CFAP54: variants seen among roughly 807,000 people sequenced by gnomAD.
CFAP54 encodes cilia- and flagella-associated protein 54.
In CFAP54, 290 loss-of-function variants were observed where a neutral mutation model predicts 370.4. That is an observed-to-expected ratio of 0.78 (90% confidence interval 0.71 to 0.86). The LOEUF is 0.86. CFAP54 is among the 40% of genes least tolerant of loss of function. The pLI is 0.00. For synonymous variants in CFAP54, 1,206 were observed against 1,236.5 expected, an observed-to-expected ratio of 0.98 and a Z score of 0.52; for missense variants, 3,399 against 3,528.7, an observed-to-expected ratio of 0.96 and a Z score of 0.93.
In CFAP54 at chr12:96,827,796, TATATATAATACATA is replaced by T. The variant is rs1565994405; in HGVS notation, c.9097-1217_9097-1204del. ...TATATAGTTATATATAATATATAAT[TATATATAATACATA>T]GTAATATATTATATATAGTTATATA... On this transcript the variant is annotated intron_variant, in intron 65 of 67. Coordinates refer to ENST00000524981, the MANE Select transcript of CFAP54 (RefSeq NM_001306084.2). Among the ~76,000 whole-genome samples, 68 of 116,984 alleles carry T rather than the reference TATATATAATACATA, an allele frequency of 5.8e-4. 10 individuals carry two copies. In the East Asian group the frequency reaches 7.7e-3, roughly 13 times the overall value. The allele number at this position is 116,984 out of a possible 152,430, so 76.7% of individuals were successfully genotyped here.
chr12:96,789,211 C>T (rs888199695), intron 62 of CFAP54, among the ~76,000 whole-genome samples: 2 of 152,104 alleles, frequency 1.3e-5, no homozygotes, highest in African/African-American at 4.8e-5. Flanking sequence ...CATTTTACTC[C>T]CAGGAAGAAA....
At chr12:96,738,086 A>G (rs1011616081) in intron 50 of CFAP54, among the ~76,000 whole-genome samples, 1 of 152,182 alleles carries the variant, frequency 6.6e-6, no homozygotes, top group Non-Finnish European at 1.5e-5. Flanking sequence ...TACTGTGGTC[A>G]TCCAGCCTGG....
chr12:96,689,038 G>GT, intron 43 of CFAP54, 56 bp downstream of exon 43: 3 of 1,097,052 alleles, frequency 2.7e-6, no homozygotes, highest in Non-Finnish European at 2.6e-6. Context: ...CATTGGATCA[G>GT]TAAAAAAAAG....
chr12:96,520,358 A>G lies in CFAP54; in HGVS notation c.942+1287A>G, dbSNP rs138837769. 3.7e-4 allele frequency among the ~76,000 whole-genome samples: 56 copies of G among 152,230 alleles called. 1 individual carries two copies. In the East Asian group the frequency reaches 9.8e-3, roughly 27 times the overall value. On this transcript the variant is annotated intron_variant, in intron 6 of 67. Transcript: ENST00000524981. ...CAGGAGTTCGAGACCAGCTTGACCA[A>G]CATGGTGAAACCCTGTCTCTACTAA...
At chr12:96,735,084 C>G (rs1400408622) in intron 50 of CFAP54, among the ~76,000 whole-genome samples, 1 of 152,070 alleles carries the variant, frequency 6.6e-6, no homozygotes, top group Non-Finnish European at 1.5e-5. Flanking sequence ...TGAATGAGGT[C>G]CAGATTTCTA....
At chr12:96,574,853 A>G (rs1177748330) in intron 19 of CFAP54, among the ~76,000 whole-genome samples, 1 of 152,084 alleles carries the variant, frequency 6.6e-6, no homozygotes, top group Non-Finnish European at 1.5e-5. Context: ...TGTTTTTCAG[A>G]CGGTTATCAA....
chr12:96,684,567 C>A, intron 40 of CFAP54, 81 bp from the exon 41 acceptor site: 1 of 1,108,746 alleles, frequency 9.0e-7, no homozygotes, highest in Non-Finnish European at 1.3e-6. Context: ...AGGAATAGTG[C>A]AGTTTAAAAA....
intron 34 of CFAP54, among the ~76,000 whole-genome samples, chr12:96,649,678 A>G (rs201476969): frequency 6.6e-6 from 1 of 152,162 alleles, no homozygotes; most frequent in East Asian, 1.9e-4. Context: ...GTATTTCCCC[A>G]TATAGCTAAA....
Position 96,630,576 on chromosome 12 carries a change from G to A in CFAP54, c.4241G>A (p.Arg1414Lys), listed in dbSNP as rs1458615382. ...GRSAEMQQRIRSKKKETLRDF... is the reference protein window; with the variant it reads ...GRSAEMQQRIKSKKKETLRDF... ...AGTGCAGAAATGCAACAAAGAATAA[G>A]AAGTAAAAAAAAGGAAACTCTAAGA... is the stretch of plus-strand genomic sequence containing the variant. The change falls in exon 32 of 68, where the codon AGA (arginine) becomes AAA (lysine). Residue 1414 changes from arginine (R) to lysine (K), a missense_variant. Transcript: ENST00000524981. 2 of 1,481,378 alleles carry A rather than the reference G, an allele frequency of 1.4e-6. No homozygotes were observed. Among genetic ancestry groups the A allele is most frequent in the African/African-American group, 1.4e-5 (1 of 70,160 alleles). 91.8% of individuals were successfully genotyped at this position (1,481,378 alleles called of 1,614,324 possible). A position where few individuals can be genotyped will look rare whatever the true frequency, so the allele number is the denominator to read the frequency against.
intron 46 of CFAP54, among the ~76,000 whole-genome samples, chr12:96,701,129 T>C (rs1340146008): frequency 6.6e-6 from 1 of 152,164 alleles, no homozygotes; most frequent in Non-Finnish European, 1.5e-5. Context: ...TGGATACATG[T>C]ATGTGCATGA....
intron 40 of CFAP54, among the ~76,000 whole-genome samples, chr12:96,680,999 C>A (rs1957262793): frequency 6.6e-6 from 1 of 152,198 alleles, no homozygotes; most frequent in Non-Finnish European, 1.5e-5. Flanking sequence ...ATGAGAATCA[C>A]TTGAACCGGC....
At chr12:96,867,654 A>G (rs112489023) in intron 67 of CFAP54, among the ~76,000 whole-genome samples, 1 of 152,238 alleles carries the variant, frequency 6.6e-6, no homozygotes, top group African/African-American at 2.4e-5. Flanking sequence ...TAAATAAGTC[A>G]GGCACAGAAA....
intron 11 of CFAP54, among the ~76,000 whole-genome samples, 154 bp from the exon 12 acceptor site, chr12:96,535,361 T>C (rs1019633606): frequency 6.6e-6 from 1 of 152,218 alleles, no homozygotes; most frequent in Non-Finnish European, 1.5e-5. Context: ...AGATTAGTTT[T>C]CATATAGAAG....
chr12:96,553,514 AGT>A (rs1242741448), intron 15 of CFAP54, among the ~76,000 whole-genome samples: 4 of 90,966 alleles, frequency 4.4e-5, no homozygotes, highest in Non-Finnish European at 9.5e-5. Context: ...ATATATGTAT[AGT>A]AATATATATA....
chr12:96,836,770 C>T (rs1959187428), intron 66 of CFAP54, among the ~76,000 whole-genome samples: 2 of 151,908 alleles, frequency 1.3e-5, no homozygotes, highest in African/African-American at 2.4e-5. Context: ...ATGTGCATTC[C>T]ATTTTATATG....
intron 4 of CFAP54, among the ~76,000 whole-genome samples, chr12:96,509,386 A>G (rs925092950): frequency 2.6e-5 from 4 of 152,198 alleles, no homozygotes; most frequent in Non-Finnish European, 4.4e-5. Context: ...TTGACTGAAA[A>G]TGTCAAATGT....
At position 96,786,860 on chromosome 12, in the gene CFAP54, CCT is replaced by C. The variant is rs544241828; in HGVS notation, c.8644_8645del (p.Leu2882PhefsTer7). The C allele has an allele frequency of 5.7e-5, 88 of 1,534,932 alleles. No individual in the cohort carries two copies. Among genetic ancestry groups the C allele is most frequent in the East Asian group, 3.4e-4 (14 of 40,900 alleles). ...KELLCQLENP[P>X]LSEKDLRESS... ...ACTTCTTTGTCAACTGGAAAATCCC[CCT>C]CTTTCAGAAAAAGACTTACGTGAAT... On this transcript the variant is annotated frameshift_variant, in exon 62 of 68. Coordinates refer to ENST00000524981, the MANE Select transcript of CFAP54 (RefSeq NM_001306084.2). LOFTEE classifies it high-confidence loss of function.
At chr12:96,641,946 G>T (rs1002535418) in intron 32 of CFAP54, among the ~76,000 whole-genome samples, 4 of 149,410 alleles carry the variant, frequency 2.7e-5, no homozygotes, top group Non-Finnish European at 6.0e-5. Flanking sequence ...TGCGGGGGGG[G>T]AGGGATAGCA....
intron 1 of CFAP54, among the ~76,000 whole-genome samples, chr12:96,499,432 T>C (rs903650635): frequency 3.2e-4 from 49 of 152,112 alleles, no homozygotes; most frequent in African/African-American, 1.2e-3. Context: ...TACATGCCTA[T>C]TAGGAAGGCT....
Sources: gnomAD v4.1 joint callset for allele counts (sites outside exome capture counted in the v4.1 genomes callset) on GRCh38, gnomAD v4.1.1 for gene constraint, MANE v1.5 for transcripts, NCBI Gene and HGNC (gene_info 2026-07-23, HGNC 2026-07-21) for gene names.